Variants in CDKAL1 observed in about 807,000 individuals in gnomAD.
CDKAL1 encodes the protein CDKAL1 threonylcarbamoyladenosine tRNA methylthiotransferase.
In CDKAL1, 32 loss-of-function variants were observed where a neutral mutation model predicts 68.2. The ratio of observed to expected loss-of-function variants is 0.47; its 90% CI spans 0.35 to 0.63. The LOEUF (loss-of-function observed/expected upper bound fraction) is 0.63. CDKAL1 is among the 30% of genes least tolerant of loss of function. CDKAL1 has a pLI of 0.00. For missense variants in CDKAL1, 606 were observed against 696.7 expected (o/e 0.87, Z 1.47); for synonymous variants, 234 against 244.3 (o/e 0.96, Z 0.39).
At chr6:21,164,314 C>G (rs1777050136) in intron 13 of CDKAL1, among the ~76,000 whole-genome samples, 2 of 151,950 alleles carry the variant, frequency 1.3e-5, no homozygotes. Context: ...AATTTCCACT[C>G]ATTTTACTAG....
At chr6:20,605,159 G>T (rs1766279616) in intron 4 of CDKAL1, among the ~76,000 whole-genome samples, 1 of 152,250 alleles carries the variant, frequency 6.6e-6, no homozygotes, top group East Asian at 1.9e-4. Context: ...GAAATTCAGG[G>T]GATTCTCTGG....
intron 13 of CDKAL1, among the ~76,000 whole-genome samples, chr6:21,141,322 C>A (rs926746397): frequency 2.6e-5 from 4 of 152,188 alleles, no homozygotes; most frequent in South Asian, 2.1e-4. Flanking sequence ...CCAGGCACCT[C>A]CACGAAGCCT....
intron 11 of CDKAL1, among the ~76,000 whole-genome samples, chr6:21,046,764 A>G (rs1184677724): frequency 6.6e-5 from 10 of 152,260 alleles, no homozygotes; most frequent in Admixed American, 5.9e-4. Context: ...CCTCCCTGCC[A>G]CAGCAGCCCC....
At chr6:20,844,837 G>T (rs1490121384) in intron 8 of CDKAL1, among the ~76,000 whole-genome samples, 2 of 152,154 alleles carry the variant, frequency 1.3e-5, no homozygotes, top group Non-Finnish European at 2.9e-5. Context: ...TATAGAAAGG[G>T]CAGAATATGT....
chr6:20,814,719 T>C (rs1188115849), intron 8 of CDKAL1, among the ~76,000 whole-genome samples: 1 of 152,234 alleles, frequency 6.6e-6, no homozygotes, highest in Non-Finnish European at 1.5e-5. Flanking sequence ...CTTTTTCCTC[T>C]GACTAGAAAG....
intron 10 of CDKAL1, among the ~76,000 whole-genome samples, chr6:20,991,908 A>T (rs1034383735): frequency 6.6e-6 from 1 of 151,282 alleles, no homozygotes; most frequent in Admixed American, 6.6e-5. Flanking sequence ...CCACAATAAA[A>T]CAATAAAAGT....
At chr6:20,685,387 G>A (rs1249376970) in intron 5 of CDKAL1, among the ~76,000 whole-genome samples, 2 of 152,152 alleles carry the variant, frequency 1.3e-5, no homozygotes, top group Non-Finnish European at 2.9e-5. Flanking sequence ...GTAGTACATT[G>A]TCTTGATTAT....
chr6:21,130,719 T>C (rs766455905), intron 13 of CDKAL1, among the ~76,000 whole-genome samples: 1 of 152,184 alleles, frequency 6.6e-6, no homozygotes, highest in Non-Finnish European at 1.5e-5. Context: ...TTGACCTTTT[T>C]ACTTGTCTAC....
At chr6:20,779,864 A>G (rs1012445953) in intron 7 of CDKAL1, among the ~76,000 whole-genome samples, 3 of 152,070 alleles carry the variant, frequency 2.0e-5, no homozygotes, top group African/African-American at 7.2e-5. Context: ...CCTGGCCAAA[A>G]CTTTATAAAT....
At chr6:20,574,238 A>G (rs1372063077) in intron 4 of CDKAL1, among the ~76,000 whole-genome samples, 1 of 152,206 alleles carries the variant, frequency 6.6e-6, no homozygotes, top group Non-Finnish European at 1.5e-5. Flanking sequence ...ACTATAAAAT[A>G]GATGATATAA....
At chr6:21,174,457 T>A (rs963429815) in intron 13 of CDKAL1, among the ~76,000 whole-genome samples, 3 of 152,144 alleles carry the variant, frequency 2.0e-5, no homozygotes, top group African/African-American at 7.2e-5. Flanking sequence ...TCTCAATAAT[T>A]GTAATTCAGT....
At chr6:20,844,825 G>C (rs1778315800) in intron 8 of CDKAL1, among the ~76,000 whole-genome samples, 1 of 152,156 alleles carries the variant, frequency 6.6e-6, no homozygotes, top group Non-Finnish European at 1.5e-5. Flanking sequence ...CTTTCCCCTT[G>C]TTATAGAAAG....
In CDKAL1 at chr6:20,649,370, T is replaced by G. The variant is rs746374354; in HGVS notation, c.364T>G (p.Ser122Ala). Residue 122 changes from serine to alanine, a missense_variant, in exon 5 of 16, where the codon TCA becomes GCA. Ser to Ala is a moderately conservative substitution (Grantham distance 99). Transcript: ENST00000274695. ...CCCAGCTGAAGACCACTTTAGAAAC[T>G]CAATTAAGTAAGTAGAAATTGATTT... ...KNPAEDHFRN[S>A]IKKAQEENKK... The G allele has an allele frequency of 6.4e-7, 1 of 1,574,450 alleles. No homozygotes were observed. Among genetic ancestry groups the G allele is most frequent in the South Asian group, 1.1e-5 (1 of 87,440 alleles).
chr6:21,169,051 T>G (rs1456329954), intron 13 of CDKAL1, among the ~76,000 whole-genome samples: 1 of 152,192 alleles, frequency 6.6e-6, no homozygotes, highest in East Asian at 1.9e-4. Context: ...GAAGAGATTA[T>G]TTATGTGGAG....
chr6:21,085,907 G>A (rs539003773), intron 12 of CDKAL1, among the ~76,000 whole-genome samples: 6 of 152,298 alleles, frequency 3.9e-5, no homozygotes, highest in African/African-American at 1.4e-4. Context: ...CAGGAATTAA[G>A]ACGGTAATGA....
chr6:20,597,555 C>T (rs957110322), intron 4 of CDKAL1, among the ~76,000 whole-genome samples: 8 of 152,164 alleles, frequency 5.3e-5, no homozygotes, highest in African/African-American at 1.7e-4. Context: ...GCTGGGATTA[C>T]AGGTGTGCAC....
At chr6:21,223,830 T>G (rs1779624568) in intron 15 of CDKAL1, among the ~76,000 whole-genome samples, 1 of 152,140 alleles carries the variant, frequency 6.6e-6, no homozygotes, top group Non-Finnish European at 1.5e-5. Flanking sequence ...CCCATTTTCT[T>G]AGGAAGCAGC....
intron 9 of CDKAL1, among the ~76,000 whole-genome samples, chr6:20,916,247 A>C (rs1762717761): frequency 6.6e-6 from 1 of 152,196 alleles, no homozygotes; most frequent in African/African-American, 2.4e-5. Flanking sequence ...TAACAATGCC[A>C]ATTTTTTGTT....
intron 5 of CDKAL1, among the ~76,000 whole-genome samples, chr6:20,712,498 G>T (rs1390939254): frequency 1.4e-5 from 2 of 146,826 alleles, no homozygotes; most frequent in Admixed American, 6.8e-5. Flanking sequence ...TGTGCTTGAT[G>T]TGTTAGAAAA....
Sources: gnomAD v4.1 joint callset for allele counts (sites outside exome capture counted in the v4.1 genomes callset) on GRCh38, gnomAD v4.1.1 for gene constraint, MANE v1.5 for transcripts, NCBI Gene and HGNC (gene_info 2026-07-23, HGNC 2026-07-21) for gene names.